Variants in GABRA5 observed in about 807,000 individuals in gnomAD.
GABRA5 encodes gamma-aminobutyric acid type A receptor subunit alpha5, also known as gamma-aminobutyric acid receptor subunit alpha-5.
Under a neutral mutation model 47.3 loss-of-function variants are expected in GABRA5, and 18 were observed. The ratio of observed to expected loss-of-function variants is 0.38; its 90% confidence interval spans 0.26 to 0.56. The LOEUF (loss-of-function observed/expected upper bound fraction) is 0.56, where lower values mean the gene tolerates loss of function less well. Ranked by LOEUF, GABRA5 falls within the 20% of genes least tolerant of loss-of-function variation. GABRA5 has a pLI of 0.71. For synonymous variants in GABRA5, 237 were observed against 229.3 expected, an observed-to-expected ratio of 1.03 and a Z score of -0.30; for missense variants, 365 against 599.3, an observed-to-expected ratio of 0.61 and a Z score of 4.08.
chr15:26,930,006 C>T (rs113175845), intron 7 of GABRA5, among the ~76,000 whole-genome samples: 22,116 of 113,846 alleles, frequency 0.19, 3,104 homozygotes, highest in Non-Finnish European at 0.25. Flanking sequence ...TCTTCTTCTT[C>T]TTTTTTTTTT....
At chr15:26,942,952 C>T (rs1219453929) in intron 9 of GABRA5, among the ~76,000 whole-genome samples, 1 of 152,104 alleles carries the variant, frequency 6.6e-6, no homozygotes, top group Non-Finnish European at 1.5e-5. Context: ...GGTGTGGTGA[C>T]ACCTGCCTGT....
At chr15:26,942,999 G>A (rs983920351) in intron 9 of GABRA5, among the ~76,000 whole-genome samples, 3 of 152,096 alleles carry the variant, frequency 2.0e-5, no homozygotes, top group Non-Finnish European at 4.4e-5. Flanking sequence ...CACAAGAATC[G>A]CTTGAACCAG....
chr15:26,895,595 G>A (rs1177925767), intron 6 of GABRA5, among the ~76,000 whole-genome samples: 4 of 151,684 alleles, frequency 2.6e-5, no homozygotes, highest in African/African-American at 7.3e-5. Flanking sequence ...GGCGGATCAC[G>A]AGGTCAGGAG....
chr15:26,908,698 T>C (rs1170563579), intron 6 of GABRA5, among the ~76,000 whole-genome samples: 1 of 152,198 alleles, frequency 6.6e-6, no homozygotes, highest in African/African-American at 2.4e-5. Flanking sequence ...AATAAATTCC[T>C]GTATTGCCTG....
chr15:26,912,636 G>A (rs147794548), intron 6 of GABRA5, among the ~76,000 whole-genome samples: 4 of 152,192 alleles, frequency 2.6e-5, no homozygotes, highest in East Asian at 1.9e-4. Context: ...AAACACACAC[G>A]TACACATGGA....
intron 3 of GABRA5, among the ~76,000 whole-genome samples, chr15:26,876,365 A>G (rs571265055): frequency 8.5e-5 from 13 of 152,310 alleles, no homozygotes; most frequent in African/African-American, 1.2e-4. Flanking sequence ...CACAAAAAGG[A>G]AAGGGTGTCT....
intron 6 of GABRA5, among the ~76,000 whole-genome samples, chr15:26,892,907 GGTT>G (rs753654849): frequency 2.0e-5 from 3 of 150,734 alleles, no homozygotes; most frequent in Non-Finnish European, 4.4e-5. Context: ...GTGTGTATGA[GGTT>G]GTGTGTGCGT....
chr15:26,882,435 G>A (rs546399677), intron 4 of GABRA5, among the ~76,000 whole-genome samples: 1 of 152,308 alleles, frequency 6.6e-6, no homozygotes, highest in South Asian at 2.1e-4. Context: ...GAAGTTACCC[G>A]GTGTGGGCTG....
chr15:26,880,876 A>T lies in GABRA5; in HGVS notation c.117A>T (p.Lys39Asn). 1 of 1,614,018 alleles carries T rather than the reference A, an allele frequency of 6.2e-7. No individual in the cohort carries two copies. The highest frequency in any genetic ancestry group is 1.3e-5 in the African/African-American group (1 of 75,070). ...GFSQMPTSSV[K>N]DETNDNITIF... ...CACAGATGCCAACCAGTTCAGTGAAAGATGAGACCAATGACAACATCACGA... is the reference window on the plus strand; with the variant it reads ...CACAGATGCCAACCAGTTCAGTGAATGATGAGACCAATGACAACATCACGA... Residue 39 changes from lysine to asparagine, a missense_variant, in exon 4 of 11, where the codon AAA (lysine) becomes AAT (asparagine). Lys to Asn is a moderately conservative substitution (Grantham distance 94, BLOSUM62 0). This residue lies in a region of GABRA5 where 216 missense variants were observed against 335.3 expected (regional missense o/e 0.64). Transcript: ENST00000335625.
Position 26,921,867 on chromosome 15 carries a change from T to C in GABRA5, c.580+6982T>C, listed in dbSNP as rs145238462. Among the ~76,000 whole-genome samples the C allele has an allele frequency of 3.3e-4, 50 of 152,302 alleles. No individual in the cohort carries two copies. In the East Asian group the frequency reaches 7.1e-3, roughly 22 times the overall value. ...CTTTGACCCACGTATTATTTAGATA[T>C]ATGTTATTTAGTTTCCAACTGTTTG... On this transcript the variant is annotated intron_variant, in intron 7 of 10. Transcript: ENST00000335625.
rs957152735 is a variant in GABRA5, at chr15:26,897,575, C to T, written c.497+14018C>T. On this transcript the variant is annotated intron_variant, in intron 6 of 10. Coordinates refer to ENST00000335625, the MANE Select transcript of GABRA5 (RefSeq NM_000810.4). ...GCTGTGCAAATGAAGAGCCCTGACT[C>T]GGCAGATACGCTGCATCAACTTCAC... Among the ~76,000 whole-genome samples the T allele has an allele frequency of 5.9e-5, 9 of 152,202 alleles. No individual in the cohort carries two copies. In the East Asian group the frequency reaches 1.5e-3, roughly 26 times the overall value.
intron 10 of GABRA5, among the ~76,000 whole-genome samples, chr15:26,946,359 C>A (rs936706352): frequency 6.6e-6 from 1 of 151,732 alleles, no homozygotes; most frequent in Non-Finnish European, 1.5e-5. Context: ...TTAACACTTA[C>A]GTATGCCTGT....
Position 26,883,127 on chromosome 15 carries a change from TG to T in GABRA5, c.209-36del. The T allele has an allele frequency of 1.3e-6, 2 of 1,554,498 alleles. No individual in the cohort carries two copies. Among genetic ancestry groups the T allele is most frequent in the Non-Finnish European group, 1.8e-6 (2 of 1,125,844 alleles). On this transcript the variant is annotated intron_variant, in intron 4 of 10. Coordinates refer to ENST00000335625, the MANE Select transcript of GABRA5 (RefSeq NM_000810.4). This position sits in a 1 kb window ranked among gnomAD's most constrained non-coding sequence, Gnocchi z 4.8. ...ACGAGAGTGTGCCAGACGCGCAGGG[TG>T]GGTCGGTGCAGCCCAGGGACCTGTG...
chr15:26,919,173 G>A (rs141469613), intron 7 of GABRA5, among the ~76,000 whole-genome samples: 19 of 152,072 alleles, frequency 1.2e-4, no homozygotes, highest in Middle Eastern at 3.4e-3. Context: ...AAAAAGAGTC[G>A]GATCTTGTTT....
In GABRA5 at chr15:26,895,473, C is replaced by A. The variant is rs572483778; in HGVS notation, c.497+11916C>A. On this transcript the variant is annotated intron_variant, in intron 6 of 10. Transcript: ENST00000335625. ...CTTGGGAGAAGTTATCCAACTGCTT[C>A]ATGCCTTATGGAATAGAAATAGTAC... Among the ~76,000 whole-genome samples the A allele has an allele frequency of 3.3e-5, 5 of 152,178 alleles. No homozygotes were observed. In the South Asian group the frequency reaches 1.0e-3, roughly 32 times the overall value.
At chr15:26,880,561 A>G in intron 3 of GABRA5, 1 of 255,582 alleles carries the variant, frequency 3.9e-6, no homozygotes, top group South Asian at 6.7e-5. Context: ...GTTGTTAAAA[A>G]TGGCTAAAAT....
rs532667172 is a variant in GABRA5, at chr15:26,882,788, G to A, written c.209-378G>A. On this transcript the variant is annotated intron_variant, in intron 4 of 10. Coordinates refer to ENST00000335625, the MANE Select transcript of GABRA5 (RefSeq NM_000810.4). ...ATGCTTTTTAAAGCCCCTCTCTGTGGCGACGGCGTGGCCCTGAGCTGCCAG... is the reference window on the plus strand; with the variant it reads ...ATGCTTTTTAAAGCCCCTCTCTGTGACGACGGCGTGGCCCTGAGCTGCCAG... Among the ~76,000 whole-genome samples, 28 of 152,212 alleles carry A rather than the reference G, an allele frequency of 1.8e-4. No individual in the cohort carries two copies. In the South Asian group the frequency reaches 5.8e-3, roughly 32 times the overall value.
At chr15:26,937,445 C>G in intron 8 of GABRA5, 117 bp downstream of exon 8, 7 of 1,067,806 alleles carry the variant, frequency 6.6e-6, no homozygotes, top group Middle Eastern at 3.2e-4. Flanking sequence ...ACAGCAGCCT[C>G]CCACACAACC....
intron 7 of GABRA5, among the ~76,000 whole-genome samples, chr15:26,919,154 C>A (rs74519678): frequency 0.48 from 72,650 of 151,124 alleles, 18,122 homozygotes; most frequent in Middle Eastern, 0.62. Flanking sequence ...AGAAACAAAA[C>A]ACACACAAAA....
Sources: allele counts gnomAD v4.1 joint callset (sites outside exome capture counted in the v4.1 genomes callset), GRCh38; gene constraint gnomAD v4.1.1; regional missense constraint gnomAD v4.1.1; non-coding constraint Gnocchi (gnomAD v3.1); transcripts MANE v1.5; gene names NCBI Gene and HGNC (gene_info 2026-07-23, HGNC 2026-07-21).